The following CDH18 variants were observed in gnomAD, a reference collection of about 807,000 sequenced individuals.
The protein encoded by CDH18 is cadherin 18.
In CDH18, 31 loss-of-function variants were observed where a neutral mutation model predicts 67.9. The observed-to-expected ratio is 0.46, with a 90% confidence interval of 0.34 to 0.62. The LOEUF (loss-of-function observed/expected upper bound fraction) is 0.62, where lower values mean the gene tolerates loss of function less well. Among genes scored for constraint, CDH18 ranks in the 20% least tolerant of loss-of-function variants. The pLI is 0.01. For missense variants in CDH18, 890 were observed against 975.5 expected, an observed-to-expected ratio of 0.91 and a Z score of 1.17; for synonymous variants, 362 against 347.2, an observed-to-expected ratio of 1.04 and a Z score of -0.48.
At chr5:19,864,939 G>A (rs985599405) in intron 2 of CDH18, among the ~76,000 whole-genome samples, 2 of 152,142 alleles carry the variant, frequency 1.3e-5, no homozygotes, top group Non-Finnish European at 2.9e-5. Context: ...TAACTGATGG[G>A]AAATACTTCC....
chr5:19,685,589 A>C (rs150261260), intron 5 of CDH18, among the ~76,000 whole-genome samples: 14 of 152,234 alleles, frequency 9.2e-5, no homozygotes, highest in African/African-American at 3.4e-4. Flanking sequence ...TTTGGGTGGC[A>C]TCCTCAGGAT....
At chr5:19,583,624 AAAG>A (rs1743632303) in intron 7 of CDH18, among the ~76,000 whole-genome samples, 1 of 152,162 alleles carries the variant, frequency 6.6e-6, no homozygotes, top group Non-Finnish European at 1.5e-5. Context: ...AATAGGAAGA[AAAG>A]AAGGCAAGGA....
chr5:19,698,554 T>C (rs1001645713), intron 5 of CDH18, among the ~76,000 whole-genome samples: 12 of 152,034 alleles, frequency 7.9e-5, no homozygotes, highest in Admixed American at 7.2e-4. Context: ...AAAATAAAAC[T>C]TTAAAATCAC....
At chr5:19,496,552 C>A (rs934092655) in intron 11 of CDH18, among the ~76,000 whole-genome samples, 1 of 152,114 alleles carries the variant, frequency 6.6e-6, no homozygotes. Context: ...TTGACTCACA[C>A]CTGTAATTCC....
intron 2 of CDH18, among the ~76,000 whole-genome samples, chr5:19,856,227 C>T (rs1784272150): frequency 6.6e-6 from 1 of 152,180 alleles, no homozygotes; most frequent in Non-Finnish European, 1.5e-5. Context: ...GATTCAAGAC[C>T]TACTAAAACT....
chr5:19,601,016 A>G (rs1298537894), intron 6 of CDH18, among the ~76,000 whole-genome samples: 1 of 152,194 alleles, frequency 6.6e-6, no homozygotes, highest in Non-Finnish European at 1.5e-5. Flanking sequence ...ATAAACTTAT[A>G]AAAGCTCTTG....
chr5:20,312,195 A>T (rs1228979310), intron 1 of CDH18, among the ~76,000 whole-genome samples: 1 of 152,190 alleles, frequency 6.6e-6, no homozygotes, highest in African/African-American at 2.4e-5. Context: ...TAACACAGTG[A>T]ATGTATGATG....
intron 1 of CDH18, among the ~76,000 whole-genome samples, chr5:20,348,981 C>T (rs1352399530): frequency 6.6e-6 from 1 of 152,098 alleles, no homozygotes; most frequent in African/African-American, 2.4e-5. Flanking sequence ...TTTATCTCTA[C>T]TAATGTTAGA....
intron 2 of CDH18, among the ~76,000 whole-genome samples, chr5:20,169,450 T>C (rs535125047): frequency 1.5e-4 from 23 of 152,252 alleles, no homozygotes; most frequent in African/African-American, 5.5e-4. Context: ...CATAAACATT[T>C]TTCAATAAAG....
intron 2 of CDH18, among the ~76,000 whole-genome samples, chr5:20,079,903 A>T (rs1744302641): frequency 6.6e-6 from 1 of 152,040 alleles, no homozygotes; most frequent in Non-Finnish European, 1.5e-5. Context: ...ATTTTGACAA[A>T]GCTGAGAGGG....
chr5:20,562,111 G>A (rs7720726), intron 1 of CDH18, among the ~76,000 whole-genome samples: 16,163 of 151,634 alleles, frequency 0.11, 1,840 homozygotes, highest in African/African-American at 0.28. Flanking sequence ...ACAAAAACCA[G>A]AGATCTATAA....
intron 11 of CDH18, among the ~76,000 whole-genome samples, chr5:19,491,451 C>A (rs183403749): frequency 1.3e-5 from 2 of 152,256 alleles, no homozygotes; most frequent in Admixed American, 1.3e-4. Flanking sequence ...AAATAAACTA[C>A]GGGAATGTTG....
At chr5:20,262,401 T>C (rs1236295972) in intron 1 of CDH18, among the ~76,000 whole-genome samples, 2 of 152,218 alleles carry the variant, frequency 1.3e-5, no homozygotes, top group African/African-American at 4.8e-5. Flanking sequence ...AACTTGATAG[T>C]AATGTTTTCT....
At chr5:20,211,696 A>G (rs1391696694) in intron 2 of CDH18, among the ~76,000 whole-genome samples, 2 of 152,190 alleles carry the variant, frequency 1.3e-5, no homozygotes, top group Non-Finnish European at 1.5e-5. Context: ...TGTTAGAAGG[A>G]AAACTAACAA....
chr5:20,378,421 C>T (rs561958408), intron 1 of CDH18, among the ~76,000 whole-genome samples: 236 of 152,130 alleles, frequency 1.6e-3, no homozygotes, highest in Non-Finnish European at 2.5e-3. Context: ...CCAAACTCCT[C>T]AGAAGGAGGA....
intron 12 of CDH18, among the ~76,000 whole-genome samples, chr5:19,480,938 A>C (rs1739322696): frequency 6.6e-6 from 1 of 152,078 alleles, no homozygotes. Context: ...AATGCAGTGA[A>C]ATAGTTCTTG....
intron 3 of CDH18, among the ~76,000 whole-genome samples, chr5:19,826,071 GA>G (rs1308956127): frequency 3.9e-5 from 6 of 152,220 alleles, no homozygotes; most frequent in African/African-American, 1.4e-4. Context: ...AAAACTCCAA[GA>G]ATCTCATAAT....
chr5:20,344,314 C>T (rs895245500), intron 1 of CDH18, among the ~76,000 whole-genome samples: 4 of 152,088 alleles, frequency 2.6e-5, no homozygotes, highest in Non-Finnish European at 5.9e-5. Context: ...CAGCTTCTCT[C>T]CCCTGGAACC....
intron 3 of CDH18, among the ~76,000 whole-genome samples, chr5:19,776,528 A>G (rs181199943): frequency 3.9e-5 from 6 of 152,312 alleles, no homozygotes; most frequent in Admixed American, 3.3e-4. Context: ...GAGAAAATAA[A>G]TTCATACAGG....
Sources: allele counts gnomAD v4.1 joint callset (sites outside exome capture counted in the v4.1 genomes callset), GRCh38; gene constraint gnomAD v4.1.1; transcripts MANE v1.5; gene names NCBI Gene and HGNC (gene_info 2026-07-23, HGNC 2026-07-21).